Variants in COLGALT2 observed in about 807,000 individuals in gnomAD.
COLGALT2 encodes collagen beta(1-O)galactosyltransferase 2.
In COLGALT2, 49 loss-of-function variants were observed where a neutral mutation model predicts 73.4. The observed-to-expected ratio is 0.67, with a 90% CI of 0.53 to 0.85. The LOEUF is 0.85. Among genes scored for constraint, COLGALT2 ranks in the 40% least tolerant of loss-of-function variants. COLGALT2 has a pLI of 0.00. For missense variants in COLGALT2, 722 were observed against 790.2 expected, an observed-to-expected ratio of 0.91 and a Z score of 1.03; for synonymous variants, 295 against 307.6, an observed-to-expected ratio of 0.96 and a Z score of 0.43.
intron 1 of COLGALT2, among the ~76,000 whole-genome samples, chr1:183,979,681 C>T (rs549291152): frequency 7.5e-4 from 114 of 152,094 alleles, no homozygotes; most frequent in African/African-American, 2.6e-3. Context: ...AATTTGCTGA[C>T]CCCTAATATA....
intron 1 of COLGALT2, among the ~76,000 whole-genome samples, chr1:183,995,546 C>T (rs912827078): frequency 7.2e-5 from 11 of 152,230 alleles, no homozygotes; most frequent in African/African-American, 2.2e-4. Context: ...CCAGTGGAGG[C>T]GCAGCCTCCG....
intron 7 of COLGALT2, among the ~76,000 whole-genome samples, chr1:183,954,041 C>T (rs995971811): frequency 6.6e-6 from 1 of 152,182 alleles, no homozygotes; most frequent in African/African-American, 2.4e-5. Context: ...AGCTTCTAGA[C>T]CACCAAGCTC....
chr1:183,930,181 C>T (rs550819386), exon 12 of COLGALT2: 8 of 456,074 alleles, frequency 1.8e-5, no homozygotes, highest in African/African-American at 1.4e-4. Context: ...AACACGACCA[C>T]CTCTGCCACA....
intron 1 of COLGALT2, among the ~76,000 whole-genome samples, chr1:184,036,750 G>T (rs1227514090): frequency 1.3e-5 from 2 of 152,198 alleles, no homozygotes; most frequent in Non-Finnish European, 2.9e-5. Context: ...AGGAAACCTC[G>T]AGAGTTAAAA....
intron 8 of COLGALT2, chr1:183,946,491 TA>T (rs1189100540): frequency 6.6e-6 from 1 of 152,084 alleles, no homozygotes; most frequent in Non-Finnish European, 1.5e-5. Context: ...GGCAAATGAA[TA>T]AAACACTGCA....
chr1:183,933,624 CAG>C (rs10562111), downstream of COLGALT2, among the ~76,000 whole-genome samples: 29,516 of 150,354 alleles, frequency 0.2, 2,937 homozygotes, highest in Admixed American at 0.27. Context: ...CATCTAAGAA[CAG>C]AGAGAGAGAG....
intron 1 of COLGALT2, among the ~76,000 whole-genome samples, chr1:183,989,765 G>A (rs893629362): frequency 6.6e-6 from 1 of 152,192 alleles, no homozygotes; most frequent in Admixed American, 6.5e-5. Context: ...AATTAACTCT[G>A]TAATCTTAAT....
In COLGALT2 at chr1:183,945,569, A is replaced by T; in HGVS notation, c.1137-5T>A. On this transcript the variant is annotated splice_polypyrimidine_tract_variant and splice_region_variant and intron_variant, in intron 8 of 11. Coordinates refer to ENST00000361927, the MANE Select transcript of COLGALT2 (RefSeq NM_015101.4). ...AGCTGGCTTGTGTTGAGTGCCCTGC[A>T]TCACATAAAACACGTCTGGAGATTA... 6.2e-7 allele frequency: 1 copy of T among 1,614,026 alleles called. No homozygotes were observed. Among genetic ancestry groups the T allele is most frequent in the South Asian group, 1.1e-5 (1 of 91,070 alleles).
Position 184,037,260 on chromosome 1 carries a change from C to T in COLGALT2, c.98G>A (p.Arg33Gln). 1.3e-6 allele frequency: 2 copies of T among 1,567,942 alleles called. No homozygotes were observed. Among genetic ancestry groups the T allele is most frequent in the Non-Finnish European group, 1.7e-6 (2 of 1,158,908 alleles). The change falls in exon 1 of 12, where the codon CGG (arginine) becomes CAG (glutamine). Residue 33 changes from arginine to glutamine, a missense_variant. Arg to Gln is a conservative substitution (Grantham distance 43, BLOSUM62 1). Transcript: ENST00000361927. ...CTCCTCTCCGTCGTCCTCCGAGTCC[C>T]GCTCGGCGACGAAGCGCGCTCGGCA... Reference protein sequence around the residue: ...EGCRARFVAERDSEDDGEEPV... With the variant: ...EGCRARFVAEQDSEDDGEEPV...
chr1:184,026,160 A>G lies in COLGALT2; in HGVS notation c.263+10935T>C, dbSNP rs141763814. On this transcript the variant is annotated intron_variant, in intron 1 of 11. Transcript: ENST00000361927. ...TTTCACAGGACAACACAGATAGCGT[A>G]TTTGCACACTAGGGAAAAATGAAAG... 2.6e-3 allele frequency among the ~76,000 whole-genome samples: 398 copies of G among 152,230 alleles called. 1 individual carries two copies. Among genetic ancestry groups the G allele is most frequent in the African/African-American group, 9.2e-3 (383 of 41,538 alleles).
intron 1 of COLGALT2, among the ~76,000 whole-genome samples, chr1:184,017,587 G>A (rs1419709394): frequency 1.3e-5 from 2 of 152,154 alleles, no homozygotes; most frequent in African/African-American, 4.8e-5. Flanking sequence ...TCACAGATAC[G>A]TCCAGGGCCA....
intron 1 of COLGALT2, among the ~76,000 whole-genome samples, chr1:184,007,215 C>T (rs956632613): frequency 6.6e-6 from 1 of 152,214 alleles, no homozygotes; most frequent in Non-Finnish European, 1.5e-5. Context: ...GTGCAAAGCA[C>T]AGACCTCTAT....
chr1:183,932,925 C>T (rs559826478), downstream of COLGALT2, among the ~76,000 whole-genome samples: 5 of 152,268 alleles, frequency 3.3e-5, no homozygotes, highest in South Asian at 8.3e-4. Flanking sequence ...GTCCACAGTC[C>T]CTGTGTCTTT....
At chr1:183,989,316 T>C (rs1671570913) in intron 1 of COLGALT2, among the ~76,000 whole-genome samples, 8 of 152,182 alleles carry the variant, frequency 5.3e-5, no homozygotes, top group Admixed American at 5.2e-4. Flanking sequence ...AGTGGGGATG[T>C]CCAGCACTGC....
intron 1 of COLGALT2, among the ~76,000 whole-genome samples, chr1:184,029,529 C>G (rs1649440790): frequency 6.6e-6 from 1 of 152,190 alleles, no homozygotes; most frequent in Non-Finnish European, 1.5e-5. Flanking sequence ...ACTGGGCTGC[C>G]TGGACAAAAT....
At position 183,994,026 on chromosome 1, in the gene COLGALT2, C is replaced by CTT. The variant is rs869129633; in HGVS notation, c.264-15508_264-15507dup. 3.9e-3 allele frequency among the ~76,000 whole-genome samples: 272 copies of CTT among 70,048 alleles called. 23 individuals are homozygous for CTT. The highest frequency in any genetic ancestry group is 5.3e-3 in the Non-Finnish European group (198 of 37,152). 46.0% of individuals were successfully genotyped at this position (70,048 alleles called of 152,430 possible). A position where few individuals can be genotyped will look rare whatever the true frequency, so the allele number is the denominator to read the frequency against. ...GTCACACTCATTTTCTCTTGTAATT[C>CTT]TTTTTTTTTTTTTTTTTTTTTTTTT... On this transcript the variant is annotated intron_variant, in intron 1 of 11. Coordinates refer to ENST00000361927, the MANE Select transcript of COLGALT2 (RefSeq NM_015101.4).
At chr1:184,034,098 C>T (rs1164492195) in intron 1 of COLGALT2, among the ~76,000 whole-genome samples, 2 of 152,136 alleles carry the variant, frequency 1.3e-5, no homozygotes, top group Non-Finnish European at 2.9e-5. Flanking sequence ...GGTACCACCT[C>T]CCATCAGAGT....
chr1:183,939,197 C>G (rs1417794571), intron 11 of COLGALT2, among the ~76,000 whole-genome samples, 160 bp from the exon 12 acceptor site: 3 of 152,190 alleles, frequency 2.0e-5, no homozygotes, highest in Non-Finnish European at 2.9e-5. Flanking sequence ...ACAAATATTT[C>G]TTTAAAAGCT....
At chr1:183,954,661 T>C in intron 7 of COLGALT2, 101 bp downstream of exon 7, 1 of 862,364 alleles carries the variant, frequency 1.2e-6, no homozygotes. Context: ...GCCAAGCCAG[T>C]CTTGCTGGCT....
Sources: gnomAD v4.1 joint callset for allele counts (sites outside exome capture counted in the v4.1 genomes callset) on GRCh38, gnomAD v4.1.1 for gene constraint, MANE v1.5 for transcripts, NCBI Gene and HGNC (gene_info 2026-07-23, HGNC 2026-07-21) for gene names.